The following LARP1B variants were observed in gnomAD, a reference collection of about 807,000 sequenced individuals.
LARP1B encodes La ribonucleoprotein 1B, also known as la-related protein 1B.
Under a neutral mutation model 114.2 loss-of-function variants are expected in LARP1B, and 76 were observed. The observed-to-expected ratio is 0.67, with a 90% CI of 0.55 to 0.81. The LOEUF (loss-of-function observed/expected upper bound fraction) is 0.81. Ranked by LOEUF, LARP1B falls within the 30% of genes least tolerant of loss-of-function variation. The pLI is 0.00. For synonymous variants in LARP1B, 345 were observed against 348.0 expected (o/e 0.99, Z 0.10); for missense variants, 1,014 against 1,075.8 (o/e 0.94, Z 0.80).
chr4:128,105,886 G>A (rs150991642), intron 8 of LARP1B, among the ~76,000 whole-genome samples: 21 of 152,026 alleles, frequency 1.4e-4, no homozygotes, highest in East Asian at 3.9e-4. Context: ...GTGAGACTCC[G>A]TCTCAAAAAA....
intron 10 of LARP1B, among the ~76,000 whole-genome samples, chr4:128,115,334 A>C (rs962876771): frequency 2.6e-5 from 4 of 152,214 alleles, no homozygotes; most frequent in Non-Finnish European, 5.9e-5. Flanking sequence ...AGGCCAAGGC[A>C]GGAAGATTGC....
chr4:128,122,325 T>C (rs955463820), intron 11 of LARP1B, 137 bp downstream of exon 11: 5 of 1,478,112 alleles, frequency 3.4e-6, no homozygotes, highest in Admixed American at 5.0e-5. Context: ...GAAAAATTCC[T>C]GGAAATATAC....
rs116407304 is a variant in LARP1B at position 128,112,448 on chromosome 4, A to T, written c.989-2122A>T. On this transcript the variant is annotated intron_variant, in intron 9 of 19. Transcript: ENST00000326639. ...CATTTGAAGTGATAGATAACTGCATATAGCTAATGCTTACTCTATTTTTTT... is the reference window on the plus strand; with the variant it reads ...CATTTGAAGTGATAGATAACTGCATTTAGCTAATGCTTACTCTATTTTTTT... Among the ~76,000 whole-genome samples the T allele has an allele frequency of 5.9e-3, 841 of 142,574 alleles. 9 individuals carry two copies. The highest frequency in any genetic ancestry group is 0.02 in the African/African-American group (788 of 38,500). The allele number at this position is 142,574 out of a possible 152,430, so 93.5% of individuals were successfully genotyped here.
At position 128,146,953 on chromosome 4, in the gene LARP1B, C is replaced by T. The variant is rs556385605; in HGVS notation, c.1525-15241C>T. ...CCACTGTTATGCTTAGTATTCCTGACCAAAAATAAAGGACACAGAAGATAA... is the reference window on the plus strand; with the variant it reads ...CCACTGTTATGCTTAGTATTCCTGATCAAAAATAAAGGACACAGAAGATAA... On this transcript the variant is annotated intron_variant, in intron 11 of 19. Transcript: ENST00000326639. 5.3e-5 allele frequency among the ~76,000 whole-genome samples: 8 copies of T among 152,226 alleles called. No individual in the cohort carries two copies. In the East Asian group the frequency reaches 1.5e-3, roughly 29 times the overall value.
At chr4:128,107,823 C>G in intron 9 of LARP1B, 1 of 1,528,554 alleles carries the variant, frequency 6.5e-7, no homozygotes, top group Non-Finnish European at 8.7e-7. Context: ...ATAATTTTTT[C>G]CTGGATCATT....
chr4:128,198,247 TA>T, intron 15 of LARP1B, among the ~76,000 whole-genome samples: 1 of 152,120 alleles, frequency 6.6e-6, no homozygotes, highest in Non-Finnish European at 1.5e-5. Context: ...TAAAAAATTG[TA>T]AAAAAATGTA....
chr4:128,159,573 A>G (rs932348145), intron 11 of LARP1B, among the ~76,000 whole-genome samples: 2 of 152,214 alleles, frequency 1.3e-5, no homozygotes, highest in African/African-American at 4.8e-5. Context: ...AGCCTCCCGT[A>G]TTGTCAACAT....
At position 128,098,747 on chromosome 4, in the gene LARP1B, G is replaced by GTGTGTGTA; in HGVS notation, c.813+418_813+419insGTGTGTAT. Among the ~76,000 whole-genome samples the GTGTGTGTA allele has an allele frequency of 9.0e-4, 14 of 15,572 alleles. 1 individual carries two copies. Among genetic ancestry groups the GTGTGTGTA allele is most frequent in the South Asian group, 5.0e-3 (1 of 200 alleles). The allele number at this position is 15,572 out of a possible 152,430, so 10.2% of individuals were successfully genotyped here. On this transcript the variant is annotated intron_variant, in intron 8 of 19. Transcript: ENST00000326639. ...AGCATGTGTTCCTGTATATGTATGT[G>GTGTGTGTA]TATATATATATATATATATATTTTT...
intron 15 of LARP1B, among the ~76,000 whole-genome samples, chr4:128,196,179 AAGCGGATGTCACAGTG>A (rs1753995547): frequency 6.8e-6 from 1 of 146,160 alleles, no homozygotes; most frequent in Non-Finnish European, 1.5e-5. Flanking sequence ...TGAGCCCGGG[AAGCGGATGTCACAGTG>A]AGCCGAGATC....
chr4:128,094,404 T>TTC (rs1777122725), intron 7 of LARP1B, among the ~76,000 whole-genome samples: 1 of 148,312 alleles, frequency 6.7e-6, no homozygotes, highest in Admixed American at 6.7e-5. Flanking sequence ...CTTTTTCTTT[T>TTC]TTTTTTTTTT....
rs35344280 is a variant in LARP1B at position 128,182,111 on chromosome 4, C to CTTTTTTT, written c.2003+2613_2003+2619dup. Reference sequence around the variant, plus strand: ...ACAGGCATGAGCCACTGCACCCGGCCTTTTTTTTTTTTTTTTTTTTGAGAC... The same window carrying CTTTTTTT: ...ACAGGCATGAGCCACTGCACCCGGCCTTTTTTTTTTTTTTTTTTTTTTTTTTTGAGAC... On this transcript the variant is annotated intron_variant, in intron 15 of 19. Transcript: ENST00000326639. Among the ~76,000 whole-genome samples, 8 of 113,188 alleles carry CTTTTTTT rather than the reference C, an allele frequency of 7.1e-5. 3 individuals carry two copies. Among genetic ancestry groups the CTTTTTTT allele is most frequent in the Non-Finnish European group, 7.1e-5 (4 of 56,486 alleles). The allele number at this position is 113,188 out of a possible 152,430, so 74.3% of individuals were successfully genotyped here. A position where few individuals can be genotyped will look rare whatever the true frequency, so the allele number is the denominator to read the frequency against.
intron 11 of LARP1B, among the ~76,000 whole-genome samples, chr4:128,140,104 T>G (rs1347576568): frequency 6.6e-6 from 1 of 152,198 alleles, no homozygotes; most frequent in Non-Finnish European, 1.5e-5. Context: ...AATTATTGCA[T>G]GTCGAAATAG....
At chr4:128,073,683 C>T (rs1335032172) in intron 1 of LARP1B, among the ~76,000 whole-genome samples, 5 of 143,062 alleles carry the variant, frequency 3.5e-5, no homozygotes, top group African/African-American at 1.0e-4. Context: ...CTCCACCTCC[C>T]AGGTTCAAGC....
At position 128,207,282 on chromosome 4, in the gene LARP1B, T is replaced by G. The variant is rs759256290; in HGVS notation, c.2446T>G (p.Trp816Gly). The change falls in exon 19 of 20, where the codon TGG (tryptophan) becomes GGG (glycine). Residue 816 changes from tryptophan to glycine, a missense_variant. Coordinates refer to ENST00000326639, the MANE Select transcript of LARP1B (RefSeq NM_018078.4). ...SGQLYGLEKF[W>G]AYLKYSQSKT... ...TCAGCTGTATGGACTAGAAAAGTTTTGGGCTTATTTGAAATATTCTCAATC... is the reference window on the plus strand; with the variant it reads ...TCAGCTGTATGGACTAGAAAAGTTTGGGGCTTATTTGAAATATTCTCAATC... 54 of 1,506,082 alleles carry G rather than the reference T, an allele frequency of 3.6e-5. No homozygotes were observed. Among genetic ancestry groups the G allele is most frequent in the Non-Finnish European group, 7.2e-6 (8 of 1,116,862 alleles). The allele number at this position is 1,506,082 out of a possible 1,614,324, so 93.3% of individuals were successfully genotyped here. A position where few individuals can be genotyped will look rare whatever the true frequency, so the allele number is the denominator to read the frequency against.
At chr4:128,076,975 C>T (rs977172278) in intron 3 of LARP1B, among the ~76,000 whole-genome samples, 3 of 152,206 alleles carry the variant, frequency 2.0e-5, no homozygotes, top group Middle Eastern at 3.4e-3. Flanking sequence ...GATCTACCTG[C>T]CTTGGCTTCC....
At chr4:128,065,336 C>T (rs144183573) in intron 1 of LARP1B, among the ~76,000 whole-genome samples, 39,254 of 104,978 alleles carry the variant, frequency 0.37, 9,144 homozygotes, top group South Asian at 0.51. Flanking sequence ...TCTCTCTTTC[C>T]TTTCTTTTCT....
At chr4:128,158,539 T>A (rs940584212) in intron 11 of LARP1B, among the ~76,000 whole-genome samples, 1 of 152,150 alleles carries the variant, frequency 6.6e-6, no homozygotes, top group African/African-American at 2.4e-5. Context: ...TACAATATTT[T>A]ATAAAGAACT....
chr4:128,212,734 T>C (rs779712298), downstream of LARP1B, among the ~76,000 whole-genome samples: 1 of 152,130 alleles, frequency 6.6e-6, no homozygotes, highest in Non-Finnish European at 1.5e-5. Context: ...AAAGAGTTAC[T>C]GTCAAGAACT....
At chr4:128,219,711 G>A (rs1484168507) in intron 6 of LARP1B, among the ~76,000 whole-genome samples, 3 of 144,422 alleles carry the variant, frequency 2.1e-5, no homozygotes, top group Non-Finnish European at 4.5e-5. Flanking sequence ...CGCGTTAGTG[G>A]GTGCAGCGCA....
Sources: gnomAD v4.1 joint callset for allele counts (sites outside exome capture counted in the v4.1 genomes callset) on GRCh38, gnomAD v4.1.1 for gene constraint, MANE v1.5 for transcripts, NCBI Gene and HGNC (gene_info 2026-07-23, HGNC 2026-07-21) for gene names.